The following POTEJ variants were observed in gnomAD, a reference collection of about 807,000 sequenced individuals.
The protein encoded by POTEJ is POTE ankyrin domain family, member J.
In POTEJ, 11 loss-of-function variants were observed where a neutral mutation model predicts 69.0. The ratio of observed to expected loss-of-function variants is 0.16; its 90% CI spans 0.10 to 0.26. The LOEUF is 0.26. Among genes scored for constraint, POTEJ ranks in the 10% least tolerant of loss-of-function variants. POTEJ has a pLI of 1.00. For synonymous variants in POTEJ, 117 were observed against 381.1 expected, an observed-to-expected ratio of 0.31 and a Z score of 8.07; for missense variants, 327 against 1,045.5, an observed-to-expected ratio of 0.31 and a Z score of 9.48.
At chr2:130,627,106 A>C (rs1255392189) in intron 6 of POTEJ, among the ~76,000 whole-genome samples, 11 of 152,200 alleles carry the variant, frequency 7.2e-5, no homozygotes, top group South Asian at 2.1e-4. Flanking sequence ...GATGTGAGGA[A>C]GAAGGAGGAA....
At chr2:130,623,052 GC>G (rs1685592471) in intron 5 of POTEJ, 1 of 143,282 alleles carries the variant, frequency 7.0e-6, no homozygotes, top group Non-Finnish European at 1.5e-5. Context: ...GATTTCTGCT[GC>G]AAAAATAGTC....
chr2:130,655,901 G>A (rs1309756525), intron 14 of POTEJ, among the ~76,000 whole-genome samples: 2 of 137,606 alleles, frequency 1.5e-5, no homozygotes, highest in African/African-American at 5.8e-5. Context: ...TCTTAAATGA[G>A]TTCAGTGTTA....
chr2:130,652,225 A>C (rs1302945163), intron 13 of POTEJ, among the ~76,000 whole-genome samples: 2 of 135,618 alleles, frequency 1.5e-5, no homozygotes, highest in Non-Finnish European at 3.2e-5. Context: ...TTCCCCTTCT[A>C]CCATGGTTGT....
intron 8 of POTEJ, among the ~76,000 whole-genome samples, chr2:130,632,026 C>G (rs1267603435): frequency 6.9e-6 from 1 of 143,928 alleles, no homozygotes; most frequent in South Asian, 2.1e-4. Context: ...CAGAAAAGGG[C>G]AAACTTCCTT....
In POTEJ at chr2:130,655,046, TTTC is replaced by T; in HGVS notation, c.1788+8_1788+10del. 2.8e-6 allele frequency: 2 copies of T among 710,892 alleles called. No individual in the cohort carries two copies. The highest frequency in any genetic ancestry group is 4.5e-6 in the Non-Finnish European group (2 of 447,724). 44.0% of individuals were successfully genotyped at this position (710,892 alleles called of 1,614,324 possible). On this transcript the variant is annotated splice_donor_region_variant and intron_variant, in intron 14 of 14. Transcript: ENST00000409602. ...GTTGAAAAAATGAATTCTGAGGTAT[TTTC>T]TTTAGTTATTTTCAAATGTTTTTAT...
At chr2:130,629,094 C>T (rs865864018) in intron 6 of POTEJ, among the ~76,000 whole-genome samples, 1 of 146,018 alleles carries the variant, frequency 6.8e-6, no homozygotes, top group Non-Finnish European at 1.5e-5. Context: ...ATTGGGAAGA[C>T]ATTGTACACT....
chr2:130,636,291 A>G (rs1360012121), intron 9 of POTEJ, among the ~76,000 whole-genome samples: 4 of 152,212 alleles, frequency 2.6e-5, no homozygotes, highest in Non-Finnish European at 5.9e-5. Flanking sequence ...ACCCAGACAC[A>G]TCATGCTTAA....
rs528805386 is a variant in POTEJ at position 130,630,822 on chromosome 2, T to C, written c.1087-587T>C. Among the ~76,000 whole-genome samples, 112 of 145,220 alleles carry C rather than the reference T, an allele frequency of 7.7e-4. 3 individuals are homozygous for C. The highest frequency in any genetic ancestry group is 2.9e-3 in the African/African-American group (107 of 37,270). ...ATTAGAACTGGACTTAAGCAGATAA[T>C]CTGGATACATAACACTATCATATGA... On this transcript the variant is annotated intron_variant, in intron 7 of 14. Transcript: ENST00000409602.
intron 10 of POTEJ, among the ~76,000 whole-genome samples, chr2:130,643,290 T>C (rs1459023994): frequency 7.2e-6 from 1 of 139,194 alleles, no homozygotes; most frequent in Non-Finnish European, 1.6e-5. Context: ...TCCCAGCACT[T>C]TCAGAGGGGA....
chr2:130,642,547 CCTTGT>C (rs1201121723), intron 10 of POTEJ, among the ~76,000 whole-genome samples: 2 of 144,444 alleles, frequency 1.4e-5, no homozygotes, highest in Non-Finnish European at 3.0e-5. Flanking sequence ...CTATCTGTCA[CCTTGT>C]CTTAATGAAT....
At chr2:130,614,217 G>T (rs2105194901) in intron 1 of POTEJ, among the ~76,000 whole-genome samples, 1 of 152,284 alleles carries the variant, frequency 6.6e-6, no homozygotes, top group Admixed American at 6.5e-5. Flanking sequence ...CACAAAGTTT[G>T]TGAGGATGAA....
intron 9 of POTEJ, among the ~76,000 whole-genome samples, chr2:130,633,108 T>A (rs1204675158): frequency 6.9e-6 from 1 of 144,468 alleles, no homozygotes; most frequent in Non-Finnish European, 1.5e-5. Context: ...GTTCTCATTA[T>A]TTAGTTCCCA....
intron 1 of POTEJ, among the ~76,000 whole-genome samples, chr2:130,614,181 AAAG>A (rs1685344247): frequency 6.6e-6 from 1 of 152,008 alleles, no homozygotes; most frequent in South Asian, 2.1e-4. Flanking sequence ...AAAAAAAAAA[AAAG>A]GAATGAAATA....
intron 13 of POTEJ, among the ~76,000 whole-genome samples, chr2:130,649,509 A>T (rs1373437722): frequency 5.3e-5 from 8 of 151,410 alleles, no homozygotes; most frequent in African/African-American, 2.0e-4. Context: ...CTGAGAATTG[A>T]TAGTCCTGGT....
chr2:130,628,898 A>G (rs1173521993), intron 6 of POTEJ, among the ~76,000 whole-genome samples: 8 of 144,276 alleles, frequency 5.5e-5, no homozygotes, highest in Non-Finnish European at 9.0e-5. Context: ...CATGCCTGTA[A>G]TCCCAGCTTC....
chr2:130,656,896 G>C lies in POTEJ; in HGVS notation c.2136G>C (p.Gln712His), dbSNP rs774178043. The change falls in exon 15 of 15, where the codon CAG (glutamine) becomes CAC (histidine). Residue 712 changes from glutamine to histidine, a missense_variant. Physicochemically the swap from Gln to His is conservative, Grantham distance 24. Transcript: ENST00000409602. ...RQQGMMGGMH[Q>H]KESYVGKEAQ... ...AGGGCATGATGGGGGGCATGCATCA[G>C]AAAGAGTCCTATGTGGGCAAGGAGG... 1 of 1,602,948 alleles carries C rather than the reference G, an allele frequency of 6.2e-7. No individual in the cohort carries two copies. Among genetic ancestry groups the C allele is most frequent in the East Asian group, 2.2e-5 (1 of 44,872 alleles).
rs536494685 is a variant in POTEJ, at chr2:130,656,829, C to G, written c.2069C>G (p.Pro690Arg). The change falls in exon 15 of 15, where the codon CCC (proline) becomes CGC (arginine). Residue 690 changes from proline (P) to arginine (R), a missense_variant. Coordinates refer to ENST00000409602, the MANE Select transcript of POTEJ (RefSeq NM_001277083.2). The part of the protein sequence containing the change: ...CKAGFAGDDA[P>R]RAVFPSIVGC... The stretch of plus-strand genomic sequence containing the variant: ...GCCGGCTTTGCGGGCGACGATGCCC[C>G]CCGGGCTGTCTTCCCTTCCATCGTG... 2.2e-5 allele frequency: 35 copies of G among 1,601,946 alleles called. No individual in the cohort carries two copies. The highest frequency in any genetic ancestry group is 2.0e-4 in the Middle Eastern group (1 of 4,956).
At chr2:130,624,041 G>T (rs1245387437) in intron 5 of POTEJ, 23 bp from the exon 6 acceptor site, 1 of 1,458,590 alleles carries the variant, frequency 6.9e-7, no homozygotes, top group Non-Finnish European at 9.3e-7. Flanking sequence ...TAGTAATTTG[G>T]TTTATTACAT....
At chr2:130,630,767 A>C (rs1467216878) in intron 7 of POTEJ, among the ~76,000 whole-genome samples, 1 of 146,074 alleles carries the variant, frequency 6.8e-6, no homozygotes, top group Non-Finnish European at 1.5e-5. Context: ...AAAAATCTTT[A>C]TCCACTGTAA....
Sources: gnomAD v4.1 joint callset for allele counts (sites outside exome capture counted in the v4.1 genomes callset) on GRCh38, gnomAD v4.1.1 for gene constraint, MANE v1.5 for transcripts, NCBI Gene and HGNC (gene_info 2026-07-23, HGNC 2026-07-21) for gene names.